PRR16: variants seen among roughly 807,000 people sequenced by gnomAD.
The protein encoded by PRR16 is protein Largen.
PRR16 carries 6 observed loss-of-function variants against 18.2 expected under a neutral mutation model. The observed-to-expected ratio is 0.33, with a 90% CI of 0.18 to 0.65. PRR16 has a LOEUF of 0.65. Among genes scored for constraint, PRR16 ranks in the 30% least tolerant of loss-of-function variants. The pLI is 0.74. For synonymous variants in PRR16, 151 were observed against 147.8 expected (o/e 1.02, Z -0.16); for missense variants, 412 against 376.6 (o/e 1.09, Z -0.78).
chr5:120,522,885 G>T (rs1751232407), intron 1 of PRR16, among the ~76,000 whole-genome samples: 1 of 152,094 alleles, frequency 6.6e-6, no homozygotes, highest in Non-Finnish European at 1.5e-5. Context: ...CAAAATGCTG[G>T]GATTACGGGC....
chr5:120,481,193 G>C (rs746178869), intron 1 of PRR16: 1 of 873,118 alleles, frequency 1.1e-6, no homozygotes, highest in South Asian at 1.4e-5. Flanking sequence ...TGTTGCCCAG[G>C]CTAGAGTGCA....
At chr5:120,566,202 ACT>A (rs1752732613) in intron 1 of PRR16, among the ~76,000 whole-genome samples, 1 of 151,906 alleles carries the variant, frequency 6.6e-6, no homozygotes, top group Admixed American at 6.6e-5. Flanking sequence ...GTGTGCTGTC[ACT>A]CTCTCTCACC....
chr5:120,548,027 C>T (rs999742588), intron 1 of PRR16, among the ~76,000 whole-genome samples: 3 of 151,996 alleles, frequency 2.0e-5, no homozygotes, highest in Non-Finnish European at 2.9e-5. Context: ...TTTCCTCAGC[C>T]TCTGTTTGCT....
chr5:120,483,608 G>C (rs1391685865), intron 1 of PRR16, among the ~76,000 whole-genome samples: 15 of 152,078 alleles, frequency 9.9e-5, no homozygotes, highest in Non-Finnish European at 2.1e-4. Context: ...CACTGTTCTT[G>C]ATCATGTTGA....
At chr5:120,565,211 G>C (rs1391844756) in intron 1 of PRR16, among the ~76,000 whole-genome samples, 6 of 152,126 alleles carry the variant, frequency 3.9e-5, no homozygotes, top group African/African-American at 1.2e-4. Context: ...GGGAGGAGTA[G>C]TCTGATGATC....
the PRR16 span, among the ~76,000 whole-genome samples, chr5:120,702,163 GGGTTGGGGTGCAGAGATAAGA>G: frequency 6.6e-6 from 1 of 151,868 alleles, no homozygotes; most frequent in African/African-American, 2.4e-5. Flanking sequence ...GTGGGAAAAG[GGGTTGGGGTGCAGAGATAAGA>G]GGTTGGGGTG....
At chr5:120,690,541 G>A (rs2150158727), downstream of PRR16, among the ~76,000 whole-genome samples, 1 of 152,160 alleles carries the variant, frequency 6.6e-6, no homozygotes, top group East Asian at 1.9e-4. Context: ...AATGATTTAT[G>A]AGCAATAAAT....
intron 1 of PRR16, among the ~76,000 whole-genome samples, chr5:120,480,977 A>G (rs905034542): frequency 6.6e-6 from 1 of 152,038 alleles, no homozygotes; most frequent in Non-Finnish European, 1.5e-5. Flanking sequence ...GATTCACTTC[A>G]TGTCTTCAGA....
intron 1 of PRR16, among the ~76,000 whole-genome samples, chr5:120,493,408 T>C (rs1260801314): frequency 6.6e-6 from 1 of 152,214 alleles, no homozygotes. Flanking sequence ...TTACACTTTT[T>C]TCTTCTCATT....
At position 120,489,938 on chromosome 5, in the gene PRR16, T is replaced by G. The variant is rs545303403; in HGVS notation, c.159+25293T>G. Among the ~76,000 whole-genome samples, 1,228 of 152,352 alleles carry G rather than the reference T, an allele frequency of 8.1e-3. 9 individuals are homozygous for G. Among genetic ancestry groups the G allele is most frequent in the Admixed American group, 0.013 (200 of 15,306 alleles). On this transcript the variant is annotated intron_variant, in intron 1 of 1. Coordinates refer to ENST00000407149, the MANE Select transcript of PRR16 (RefSeq NM_001300783.2). The stretch of plus-strand genomic sequence containing the variant: ...CTTAGTTTGGCTGGATATGAAATTC[T>G]GGGTTGAAAATTCTTTTCTTTAAGA...
intron 1 of PRR16, among the ~76,000 whole-genome samples, chr5:120,584,801 T>G (rs925288495): frequency 6.6e-6 from 1 of 152,222 alleles, no homozygotes; most frequent in Non-Finnish European, 1.5e-5. Context: ...TTTAAGAGTC[T>G]TCTATGTAGA....
intron 1 of PRR16, among the ~76,000 whole-genome samples, chr5:120,672,238 C>CTG (rs3048020): frequency 0.28 from 37,975 of 134,670 alleles, 5,947 homozygotes; most frequent in Non-Finnish European, 0.37. Context: ...GGTGAGGGGT[C>CTG]TGTGTGTGTG....
the PRR16 span, among the ~76,000 whole-genome samples, chr5:120,775,290 T>G: frequency 6.6e-6 from 1 of 152,154 alleles, no homozygotes; most frequent in Admixed American, 6.5e-5. Flanking sequence ...AACCTCCTCT[T>G]TGTCCTCTTC....
At chr5:120,513,545 G>A (rs1433296029) in intron 1 of PRR16, among the ~76,000 whole-genome samples, 8 of 151,680 alleles carry the variant, frequency 5.3e-5, no homozygotes, top group South Asian at 2.1e-4. Flanking sequence ...CTGGAATTTT[G>A]TCTCTTCTTC....
the PRR16 span, among the ~76,000 whole-genome samples, chr5:120,729,971 G>T: frequency 9.9e-5 from 15 of 152,074 alleles, no homozygotes; most frequent in Non-Finnish European, 1.9e-4. Flanking sequence ...AAATGCCAAG[G>T]AAATGGAGAG....
At chr5:120,604,100 ATT>A (rs35932718) in intron 1 of PRR16, among the ~76,000 whole-genome samples, 2 of 147,596 alleles carry the variant, frequency 1.4e-5, no homozygotes, top group Non-Finnish European at 3.0e-5. Flanking sequence ...TAGGTCCCAA[ATT>A]TTTTTTTTTT....
intron 1 of PRR16, among the ~76,000 whole-genome samples, chr5:120,635,725 C>T (rs1477500941): frequency 2.6e-5 from 4 of 152,092 alleles, no homozygotes; most frequent in African/African-American, 9.7e-5. Context: ...AGGATGCTCA[C>T]TTTCACCACT....
chr5:120,661,523 G>C (rs769351070), intron 1 of PRR16, among the ~76,000 whole-genome samples: 5 of 151,308 alleles, frequency 3.3e-5, no homozygotes, highest in Non-Finnish European at 5.9e-5. Context: ...TTTCTGTTCT[G>C]TAATAATGGA....
chr5:120,558,597 A>G (rs957956697), intron 1 of PRR16, among the ~76,000 whole-genome samples: 1 of 151,870 alleles, frequency 6.6e-6, no homozygotes, highest in African/African-American at 2.4e-5. Flanking sequence ...GTGAACAGTG[A>G]TGCAACAAAT....
Sources: allele counts gnomAD v4.1 joint callset (sites outside exome capture counted in the v4.1 genomes callset), GRCh38; gene constraint gnomAD v4.1.1; transcripts MANE v1.5; gene names NCBI Gene and HGNC (gene_info 2026-07-23, HGNC 2026-07-21).